Variants in FILIP1L observed in about 807,000 individuals in gnomAD.
The protein encoded by FILIP1L is filamin A interacting protein 1 like, also known as filamin A-interacting protein 1-like.
Under a neutral mutation model 96.6 loss-of-function variants are expected in FILIP1L, and 55 were observed. The observed-to-expected ratio is 0.57, with a 90% CI of 0.46 to 0.71. FILIP1L has a LOEUF of 0.71. Ranked by LOEUF, FILIP1L falls within the 30% of genes least tolerant of loss-of-function variation. The pLI is 0.00. For missense variants in FILIP1L, 1,304 were observed against 1,321.2 expected, an observed-to-expected ratio of 0.99 and a Z score of 0.20; for synonymous variants, 467 against 473.9, an observed-to-expected ratio of 0.99 and a Z score of 0.19.
chr3:99,887,804 G>A (rs1243386861), intron 4 of FILIP1L, among the ~76,000 whole-genome samples: 2 of 152,060 alleles, frequency 1.3e-5, no homozygotes, highest in South Asian at 2.1e-4. Flanking sequence ...GCACAATCAC[G>A]GGTCACTGCA....
intron 1 of FILIP1L, among the ~76,000 whole-genome samples, chr3:100,060,006 G>A (rs1209141732): frequency 6.6e-6 from 1 of 151,568 alleles, no homozygotes; most frequent in Non-Finnish European, 1.5e-5. Flanking sequence ...GACTAGGGGT[G>A]GCACAGGCAG....
At chr3:100,053,394 T>G (rs189060099) in intron 1 of FILIP1L, among the ~76,000 whole-genome samples, 237 of 152,342 alleles carry the variant, frequency 1.6e-3, no homozygotes, top group Middle Eastern at 3.4e-3. Flanking sequence ...CCAACAGTCC[T>G]TGGCATTCCT....
At chr3:100,049,968 T>C (rs1227565553) in intron 1 of FILIP1L, among the ~76,000 whole-genome samples, 2 of 152,182 alleles carry the variant, frequency 1.3e-5, no homozygotes, top group Non-Finnish European at 2.9e-5. Flanking sequence ...CCCTAACTTC[T>C]GAGTTGTTCA....
At chr3:99,929,282 G>T (rs1425625036) in intron 3 of FILIP1L, among the ~76,000 whole-genome samples, 5 of 152,184 alleles carry the variant, frequency 3.3e-5, no homozygotes, top group African/African-American at 1.2e-4. Flanking sequence ...TGCTAGGTAC[G>T]CTTGGTGAGG....
chr3:100,098,377 ACTT>A (rs1361482938), intron 1 of FILIP1L, among the ~76,000 whole-genome samples: 1 of 152,262 alleles, frequency 6.6e-6, no homozygotes, highest in East Asian at 1.9e-4. Context: ...CAGTTACTGA[ACTT>A]CTCTCAGGCT....
chr3:99,880,196 C>T (rs1705675835), intron 4 of FILIP1L, among the ~76,000 whole-genome samples: 1 of 152,174 alleles, frequency 6.6e-6, no homozygotes, highest in Non-Finnish European at 1.5e-5. Context: ...ATGCCCTAGA[C>T]AATCATTTTT....
rs911776356 is a variant in FILIP1L, at chr3:99,943,577, G to T, written c.-10-12547C>A. 3.9e-5 allele frequency among the ~76,000 whole-genome samples: 6 copies of T among 152,092 alleles called. No individual in the cohort carries two copies. In the East Asian group the frequency reaches 1.2e-3, roughly 29 times the overall value. ...AAATTAGCCGGGCGTGGTGGCATGC[G>T]CCTGTAGTCCCAGCTACTCGGGAGG... On this transcript the variant is annotated intron_variant, in intron 1 of 5. Transcript: ENST00000477258.
intron 1 of FILIP1L, among the ~76,000 whole-genome samples, chr3:100,041,797 A>G (rs973518993): frequency 2.6e-5 from 4 of 152,182 alleles, no homozygotes; most frequent in African/African-American, 7.2e-5. Context: ...TTCAGGAGAA[A>G]GGATAACTCA....
At chr3:99,893,724 A>G (rs1351769058) in intron 4 of FILIP1L, among the ~76,000 whole-genome samples, 3 of 152,206 alleles carry the variant, frequency 2.0e-5, no homozygotes, top group Non-Finnish European at 4.4e-5. Context: ...TACTCTACAG[A>G]TAATTTATTT....
chr3:99,967,387 A>G (rs114960805), intron 1 of FILIP1L, among the ~76,000 whole-genome samples: 1,768 of 152,350 alleles, frequency 0.012, 19 homozygotes, highest in African/African-American at 0.026. Context: ...CTTCTCGTGA[A>G]GAGTAAATAG....
chr3:99,879,762 T>A (rs1298052186), intron 4 of FILIP1L, among the ~76,000 whole-genome samples: 1 of 152,172 alleles, frequency 6.6e-6, no homozygotes, highest in Non-Finnish European at 1.5e-5. Flanking sequence ...CTCTGTGAGA[T>A]AGTATATATG....
At chr3:100,082,906 C>T (rs541385467) in intron 1 of FILIP1L, among the ~76,000 whole-genome samples, 1 of 152,296 alleles carries the variant, frequency 6.6e-6, no homozygotes, top group African/African-American at 2.4e-5. Context: ...GTACATTCCA[C>T]AATCTGTAGA....
chr3:99,890,145 T>A (rs1706037983), intron 4 of FILIP1L, among the ~76,000 whole-genome samples: 1 of 152,130 alleles, frequency 6.6e-6, no homozygotes, highest in Non-Finnish European at 1.5e-5. Flanking sequence ...TTACTGGGTA[T>A]AGAATGCTTG....
chr3:99,882,573 C>T (rs900578621), intron 4 of FILIP1L, among the ~76,000 whole-genome samples: 18 of 152,234 alleles, frequency 1.2e-4, no homozygotes, highest in Non-Finnish European at 1.3e-4. Context: ...TTCTTATTGC[C>T]ACTCTCTGTT....
At chr3:99,841,388 C>T (rs771340485) in intron 5 of FILIP1L, among the ~76,000 whole-genome samples, 7 of 152,324 alleles carry the variant, frequency 4.6e-5, no homozygotes, top group South Asian at 2.1e-4. Context: ...ACCACCTTTG[C>T]CTTTTGCCGG....
intron 1 of FILIP1L, among the ~76,000 whole-genome samples, chr3:99,931,909 A>G (rs1483277823): frequency 6.6e-6 from 1 of 152,218 alleles, no homozygotes; most frequent in East Asian, 1.9e-4. Context: ...AATTGACTCT[A>G]TGGCATATAA....
intron 1 of FILIP1L, among the ~76,000 whole-genome samples, chr3:100,102,666 T>G (rs1026003633): frequency 1.3e-5 from 2 of 152,218 alleles, no homozygotes; most frequent in Non-Finnish European, 2.9e-5. Context: ...CGCCATGCTT[T>G]GCATTCAGTA....
chr3:99,850,936 T>C lies in FILIP1L; in HGVS notation c.740A>G (p.Gln247Arg), dbSNP rs1226973817. Residue 247 changes from glutamine (Q) to arginine (R), a missense_variant, in exon 5 of 6, where the codon CAA becomes CGA. Transcript: ENST00000477258. ...SFALMVVDEQQRLTAQLTLQR... is the reference protein window; with the variant it reads ...SFALMVVDEQRRLTAQLTLQR... ...AAGGGTGAGCTGTGCCGTCAGCCTT[T>C]GCTGTTCATCCACCACCATCAAAGC... 1 of 1,614,098 alleles carries C rather than the reference T, an allele frequency of 6.2e-7. No homozygotes were observed. Among genetic ancestry groups the C allele is most frequent in the African/African-American group, 1.3e-5 (1 of 74,936 alleles).
chr3:100,021,960 T>TGTGTGTGTGAGAGA (rs1321185364), intron 1 of FILIP1L, among the ~76,000 whole-genome samples: 21 of 93,282 alleles, frequency 2.3e-4, no homozygotes, highest in African/African-American at 8.5e-4. Context: ...TGTGTGTGTG[T>TGTGTGTGTGAGAGA]GAGAGAGAGA....
Sources: gnomAD v4.1 joint callset for allele counts (sites outside exome capture counted in the v4.1 genomes callset) on GRCh38, gnomAD v4.1.1 for gene constraint, MANE v1.5 for transcripts, NCBI Gene and HGNC (gene_info 2026-07-23, HGNC 2026-07-21) for gene names.